The following NOS1AP variants were observed in gnomAD, a reference collection of about 807,000 sequenced individuals.
NOS1AP encodes carboxyl-terminal PDZ ligand of neuronal nitric oxide synthase protein.
Under a neutral mutation model 56.2 loss-of-function variants are expected in NOS1AP, and 21 were observed. That is an observed-to-expected ratio of 0.37 (90% confidence interval 0.26 to 0.54). The LOEUF is 0.54. NOS1AP is among the 20% of genes least tolerant of loss of function. The pLI, the probability that NOS1AP is intolerant of heterozygous loss-of-function variation, is 0.84. For missense variants in NOS1AP, 522 were observed against 657.8 expected, an observed-to-expected ratio of 0.79 and a Z score of 2.26; for synonymous variants, 270 against 274.6, an observed-to-expected ratio of 0.98 and a Z score of 0.17.
intron 1 of NOS1AP, among the ~76,000 whole-genome samples, chr1:162,125,085 G>T (rs1292331688): frequency 6.8e-6 from 1 of 147,712 alleles, no homozygotes; most frequent in East Asian, 2.0e-4. Context: ...GTGAGTAAGT[G>T]TTCCCTTTAC....
chr1:162,239,871 G>T (rs1056621511), intron 2 of NOS1AP, among the ~76,000 whole-genome samples: 1 of 152,182 alleles, frequency 6.6e-6, no homozygotes, highest in Non-Finnish European at 1.5e-5. Flanking sequence ...TTTTACTTAG[G>T]TTTGTCTGAT....
intron 2 of NOS1AP, among the ~76,000 whole-genome samples, chr1:162,269,642 G>A (rs1654524291): frequency 6.6e-6 from 1 of 152,144 alleles, no homozygotes; most frequent in African/African-American, 2.4e-5. Flanking sequence ...TTGTTAAAAT[G>A]ACATATTGTT....
chr1:162,134,038 AG>A (rs1414060002), intron 1 of NOS1AP, among the ~76,000 whole-genome samples: 1 of 152,200 alleles, frequency 6.6e-6, no homozygotes, highest in Non-Finnish European at 1.5e-5. Flanking sequence ...TAAAATTGGG[AG>A]AAAATGAATT....
chr1:162,350,381 A>G (rs1319711465), intron 6 of NOS1AP, among the ~76,000 whole-genome samples: 1 of 151,800 alleles, frequency 6.6e-6, no homozygotes. Context: ...TGTTCTTACT[A>G]CTGTTCCCTC....
At position 162,167,665 on chromosome 1, in the gene NOS1AP, C is replaced by T. The variant is rs1374866253; in HGVS notation, c.177+13189C>T. 6.6e-5 allele frequency among the ~76,000 whole-genome samples: 10 copies of T among 152,362 alleles called. No homozygotes were observed. In the East Asian group the frequency reaches 1.9e-3, roughly 29 times the overall value. On this transcript the variant is annotated intron_variant, in intron 2 of 9. Transcript: ENST00000361897. Reference sequence around the variant, plus strand: ...GCCATCCTTGGGGCAGCCCTGCTATCTGAGGGGGTCTCTCCCGAGCCGCTA... The same window carrying T: ...GCCATCCTTGGGGCAGCCCTGCTATTTGAGGGGGTCTCTCCCGAGCCGCTA...
At chr1:162,080,376 T>A (rs1255441917) in intron 1 of NOS1AP, among the ~76,000 whole-genome samples, 1 of 152,156 alleles carries the variant, frequency 6.6e-6, no homozygotes, top group African/African-American at 2.4e-5. Context: ...CCATGAAAAC[T>A]GAGGAGAGTG....
At chr1:162,285,489 C>T (rs1655060934) in intron 2 of NOS1AP, among the ~76,000 whole-genome samples, 1 of 152,190 alleles carries the variant, frequency 6.6e-6, no homozygotes, top group Non-Finnish European at 1.5e-5. Context: ...GGAGCCATGT[C>T]CTCAAGTGCA....
intron 2 of NOS1AP, among the ~76,000 whole-genome samples, chr1:162,283,102 CTCTG>C (rs1323151480): frequency 5.3e-5 from 8 of 150,808 alleles, no homozygotes; most frequent in Admixed American, 2.0e-4. Context: ...CTCTCTCTCT[CTCTG>C]TGTGTGTGTG....
chr1:162,315,688 CTGG>C, intron 4 of NOS1AP, among the ~76,000 whole-genome samples: 1 of 152,308 alleles, frequency 6.6e-6, no homozygotes, highest in South Asian at 2.1e-4. Context: ...TTCCCAGTTG[CTGG>C]CAGTCACCAT....
chr1:162,196,912 T>C (rs1651824592), intron 2 of NOS1AP, among the ~76,000 whole-genome samples: 1 of 152,198 alleles, frequency 6.6e-6, no homozygotes, highest in South Asian at 2.1e-4. Context: ...CCTCTTCTCT[T>C]TTTCATGCCC....
intron 4 of NOS1AP, among the ~76,000 whole-genome samples, chr1:162,320,425 A>G (rs929287681): frequency 5.9e-5 from 9 of 152,252 alleles, no homozygotes; most frequent in African/African-American, 2.2e-4. Context: ...CTCTCTGCAT[A>G]TAACACTTGA....
rs1236830073 is a variant in NOS1AP, at chr1:162,070,110, C to T, written c.-68C>T. On this transcript the variant is annotated 5_prime_UTR_variant, in exon 1 of 10. Coordinates refer to ENST00000361897, the MANE Select transcript of NOS1AP (RefSeq NM_014697.3). ...GCCGCGCCCAGCTCCAGTCTCCCCTCCCCGGGGTCTCGCCAGCCCCTTCCT... is the reference window on the plus strand; with the variant it reads ...GCCGCGCCCAGCTCCAGTCTCCCCTTCCCGGGGTCTCGCCAGCCCCTTCCT... 2.3e-6 allele frequency: 3 copies of T among 1,305,532 alleles called. No homozygotes were observed. The highest frequency in any genetic ancestry group is 2.2e-6 in the Non-Finnish European group (2 of 903,174). 80.9% of individuals were successfully genotyped at this position (1,305,532 alleles called of 1,614,324 possible).
intron 3 of NOS1AP, among the ~76,000 whole-genome samples, chr1:162,292,954 TG>T (rs1468804705): frequency 1.3e-5 from 2 of 152,196 alleles, no homozygotes; most frequent in African/African-American, 4.8e-5. Flanking sequence ...AGGTAGTTAC[TG>T]GCAGCCAGGG....
intron 1 of NOS1AP, among the ~76,000 whole-genome samples, chr1:162,103,605 T>G (rs1328147583): frequency 6.6e-6 from 1 of 152,202 alleles, no homozygotes; most frequent in African/African-American, 2.4e-5. Flanking sequence ...GCTTTATGAA[T>G]CTGGGTAGTC....
chr1:162,225,476 G>T (rs993169857), intron 2 of NOS1AP, among the ~76,000 whole-genome samples: 2 of 152,162 alleles, frequency 1.3e-5, no homozygotes, highest in East Asian at 1.9e-4. Context: ...AGTGCACAGT[G>T]CCTCTTCTTC....
chr1:162,346,112 T>C lies in NOS1AP; in HGVS notation c.595+2136T>C, dbSNP rs538275083. Among the ~76,000 whole-genome samples, 114 of 152,248 alleles carry C rather than the reference T, an allele frequency of 7.5e-4. 2 individuals carry two copies. The highest frequency in any genetic ancestry group is 6.2e-3 in the South Asian group (30 of 4,822). ...GAGAGGGAATCCCTATGGAGAAAAATGTGGAAATCTTTATTGAATTTGAAA... is the reference window on the plus strand; with the variant it reads ...GAGAGGGAATCCCTATGGAGAAAAACGTGGAAATCTTTATTGAATTTGAAA... On this transcript the variant is annotated intron_variant, in intron 6 of 9. Transcript: ENST00000361897.
At chr1:162,135,664 A>C (rs573596639) in intron 1 of NOS1AP, among the ~76,000 whole-genome samples, 2 of 152,292 alleles carry the variant, frequency 1.3e-5, no homozygotes, top group South Asian at 2.1e-4. Context: ...GCCTTAAAGC[A>C]TGAGGGTGAC....
intron 1 of NOS1AP, among the ~76,000 whole-genome samples, chr1:162,133,320 T>C (rs12144992): frequency 0.46 from 69,961 of 152,100 alleles, 19,734 homozygotes; most frequent in Non-Finnish European, 0.63. Flanking sequence ...TGTTTTGTCA[T>C]ATTTTATCCT....
chr1:162,095,490 T>G (rs899240331), intron 1 of NOS1AP, among the ~76,000 whole-genome samples: 6 of 152,206 alleles, frequency 3.9e-5, no homozygotes, highest in Non-Finnish European at 8.8e-5. Context: ...CAACCCCAAC[T>G]AAGGCACTGG....
Sources: gnomAD v4.1 joint callset for allele counts (sites outside exome capture counted in the v4.1 genomes callset) on GRCh38, gnomAD v4.1.1 for gene constraint, MANE v1.5 for transcripts, NCBI Gene and HGNC (gene_info 2026-07-23, HGNC 2026-07-21) for gene names.